Variants in FOXN3 observed in about 807,000 individuals in gnomAD.
FOXN3 encodes forkhead box protein N3.
FOXN3 carries 7 observed loss-of-function variants against 38.4 expected under a neutral mutation model. That is an observed-to-expected ratio of 0.18 (90% confidence interval 0.10 to 0.34). FOXN3 has a LOEUF of 0.34. FOXN3 is among the 10% of genes least tolerant of loss of function. The pLI is 1.00. For synonymous variants in FOXN3, 230 were observed against 242.2 expected, an observed-to-expected ratio of 0.95 and a Z score of 0.47; for missense variants, 456 against 613.4, an observed-to-expected ratio of 0.74 and a Z score of 2.71.
intron 2 of FOXN3, among the ~76,000 whole-genome samples, chr14:89,388,701 G>T (rs1034649393): frequency 2.0e-5 from 3 of 151,916 alleles, no homozygotes; most frequent in Admixed American, 6.6e-5. Context: ...CTCTGAAGGG[G>T]TGTCATTAAA....
chr14:89,451,735 G>A (rs1384585332), intron 1 of FOXN3, among the ~76,000 whole-genome samples: 1 of 152,046 alleles, frequency 6.6e-6, no homozygotes, highest in African/African-American at 2.4e-5. Flanking sequence ...GACTGTATTC[G>A]CTCACTATCC....
chr14:89,321,257 C>T (rs1197871518), intron 3 of FOXN3, among the ~76,000 whole-genome samples: 1 of 151,576 alleles, frequency 6.6e-6, no homozygotes, highest in Non-Finnish European at 1.5e-5. Context: ...CGTTACTGCC[C>T]TCCAGCCTGG....
chr14:89,372,715 T>C (rs924390467), intron 2 of FOXN3, among the ~76,000 whole-genome samples: 2 of 119,676 alleles, frequency 1.7e-5, no homozygotes, highest in Admixed American at 1.0e-4. Context: ...CGCTGTCTCA[T>C]GGGGTAAAAA....
At chr14:89,169,331 C>T (rs1172692223) in intron 5 of FOXN3, among the ~76,000 whole-genome samples, 3 of 152,114 alleles carry the variant, frequency 2.0e-5, no homozygotes, top group African/African-American at 7.2e-5. Context: ...GTCCCCACTA[C>T]TCGGGAGGCT....
intron 1 of FOXN3, among the ~76,000 whole-genome samples, chr14:89,424,321 A>G (rs952599771): frequency 2.0e-5 from 3 of 152,214 alleles, no homozygotes; most frequent in African/African-American, 7.2e-5. Context: ...GAAAATGAAT[A>G]TGTTGGCAAA....
chr14:89,582,235 C>T (rs1895754697), intron 1 of FOXN3, among the ~76,000 whole-genome samples: 3 of 152,056 alleles, frequency 2.0e-5, no homozygotes, highest in South Asian at 4.1e-4. Flanking sequence ...TTCAGCTGCC[C>T]GCTCCTCATC....
At chr14:89,381,445 A>G (rs749086381) in intron 2 of FOXN3, among the ~76,000 whole-genome samples, 4 of 149,390 alleles carry the variant, frequency 2.7e-5, no homozygotes, top group Non-Finnish European at 5.9e-5. Flanking sequence ...AACTAATTCT[A>G]ACATTGCCCG....
chr14:89,214,983 A>C lies in FOXN3; in HGVS notation c.746-34177T>G, dbSNP rs192021170. Among the ~76,000 whole-genome samples the C allele has an allele frequency of 2.1e-3, 314 of 152,358 alleles. 2 individuals are homozygous for C. Among genetic ancestry groups the C allele is most frequent in the African/African-American group, 7.3e-3 (302 of 41,572 alleles). On this transcript the variant is annotated intron_variant, in intron 4 of 5. Transcript: ENST00000557258. Reference sequence around the variant, plus strand: ...AAAAGAATTTACCATCAGATGGTTAACAAGAAAAGGGAGAAGGTACATTAG... The same window carrying C: ...AAAAGAATTTACCATCAGATGGTTACCAAGAAAAGGGAGAAGGTACATTAG...
intron 4 of FOXN3, among the ~76,000 whole-genome samples, chr14:89,260,289 CT>C (rs1260282283): frequency 2.6e-5 from 4 of 152,238 alleles, no homozygotes; most frequent in Non-Finnish European, 5.9e-5. Context: ...CACTGAATTG[CT>C]TTCCCTTTTC....
chr14:89,527,791 TC>T (rs1271662118), intron 1 of FOXN3, among the ~76,000 whole-genome samples: 1 of 151,518 alleles, frequency 6.6e-6, no homozygotes, highest in Non-Finnish European at 1.5e-5. Flanking sequence ...AACCTCTGCC[TC>T]CCAGGTTCAA....
chr14:89,363,376 T>C (rs767041288), intron 2 of FOXN3, among the ~76,000 whole-genome samples: 1 of 152,244 alleles, frequency 6.6e-6, no homozygotes, highest in Non-Finnish European at 1.5e-5. Flanking sequence ...CCCATGACTA[T>C]GTGCCCATGA....
At chr14:89,290,587 C>T in intron 3 of FOXN3, 1 of 556,262 alleles carries the variant, frequency 1.8e-6, no homozygotes, top group Non-Finnish European at 3.5e-6. Context: ...TCTGAAATCA[C>T]AAGGTCATTC....
chr14:89,353,447 A>G (rs2140012611), intron 2 of FOXN3: 1 of 152,248 alleles, frequency 6.6e-6, no homozygotes, highest in Middle Eastern at 3.4e-3. Flanking sequence ...GTGAAGATAA[A>G]ATGATCATCT....
At chr14:89,254,379 C>A (rs1378981590) in intron 4 of FOXN3, among the ~76,000 whole-genome samples, 1 of 152,108 alleles carries the variant, frequency 6.6e-6, no homozygotes, top group Non-Finnish European at 1.5e-5. Flanking sequence ...GGACTCAGTT[C>A]AAATGGCTGA....
chr14:89,387,283 A>C (rs1447664682), intron 2 of FOXN3, among the ~76,000 whole-genome samples: 1 of 151,748 alleles, frequency 6.6e-6, no homozygotes, highest in Non-Finnish European at 1.5e-5. Flanking sequence ...ATCAATAAAC[A>C]AACCAACCAA....
At position 89,428,082 on chromosome 14, in the gene FOXN3, AGG is replaced by A. The variant is rs1291105818; in HGVS notation, c.-14-15594_-14-15593del. Among the ~76,000 whole-genome samples, 3 of 152,160 alleles carry A rather than the reference AGG, an allele frequency of 2.0e-5. No homozygotes were observed. The East Asian group carries it at 5.8e-4, about 29-fold the overall frequency. ...AACTTCTCTCGTTTTACTTTTTCAG[AGG>A]GGTGTGAAAGAAAACAATTGATTCT... On this transcript the variant is annotated intron_variant, in intron 1 of 6. Coordinates refer to the FOXN3 transcript ENST00000345097.
chr14:89,199,500 T>G (rs1888181721), intron 4 of FOXN3, among the ~76,000 whole-genome samples: 1 of 151,918 alleles, frequency 6.6e-6, no homozygotes, highest in African/African-American at 2.4e-5. Flanking sequence ...CTCAAAGCAA[T>G]GATTAAGCAA....
At chr14:89,480,508 AT>A (rs1276305225) in intron 1 of FOXN3, among the ~76,000 whole-genome samples, 1 of 152,136 alleles carries the variant, frequency 6.6e-6, no homozygotes, top group African/African-American at 2.4e-5. Context: ...GTCTCAAAGC[AT>A]CAGACTCCAT....
At chr14:89,166,880 G>A (rs561686948) in intron 5 of FOXN3, among the ~76,000 whole-genome samples, 68 of 152,298 alleles carry the variant, frequency 4.5e-4, no homozygotes, top group African/African-American at 1.5e-3. Context: ...AATGTTTCCC[G>A]CCGCAGGGAT....
Sources: allele counts gnomAD v4.1 joint callset (sites outside exome capture counted in the v4.1 genomes callset), GRCh38; gene constraint gnomAD v4.1.1; transcripts MANE v1.5; gene names NCBI Gene and HGNC (gene_info 2026-07-23, HGNC 2026-07-21).